Variants in ATCAY observed in about 807,000 individuals in gnomAD.
ATCAY encodes the protein ATCAY kinesin light chain interacting caytaxin, also known as caytaxin.
A neutral mutation model predicts 47.7 loss-of-function variants in ATCAY; 22 were observed. The ratio of observed to expected loss-of-function variants is 0.46; its 90% CI spans 0.33 to 0.66. ATCAY has a LOEUF of 0.66. Among genes scored for constraint, ATCAY ranks in the 30% least tolerant of loss-of-function variants. The pLI is 0.02. For synonymous variants in ATCAY, 216 were observed against 207.6 expected (o/e 1.04, Z -0.35); for missense variants, 452 against 515.0 (o/e 0.88, Z 1.18).
At chr19:3,890,923 C>A (rs1362175577) in intron 2 of ATCAY, among the ~76,000 whole-genome samples, 1 of 152,222 alleles carries the variant, frequency 6.6e-6, no homozygotes. Flanking sequence ...CCTCTGTCTG[C>A]CGCAAAACAG....
At position 3,927,037 on chromosome 19, in the gene ATCAY, A is replaced by T. The variant is rs1452640267; in HGVS notation, c.*2445A>T. 6.6e-6 allele frequency: 1 copy of T among 152,244 alleles called. No individual in the cohort carries two copies. The highest frequency in any genetic ancestry group is 1.5e-5 in the Non-Finnish European group (1 of 68,108). 9.4% of individuals were successfully genotyped at this position (152,244 alleles called of 1,614,324 possible). A position where few individuals can be genotyped will look rare whatever the true frequency, so the allele number is the denominator to read the frequency against. ...GGAGTTCGAGACCAGGCTGGCCAAC[A>T]TGGTGAAACCCCATCTCTACTAAAA... is the stretch of plus-strand genomic sequence containing the variant. On this transcript the variant is annotated 3_prime_UTR_variant, in exon 13 of 13. Transcript: ENST00000450849.
intron 3 of ATCAY, among the ~76,000 whole-genome samples, chr19:3,904,981 T>G (rs1223676912): frequency 6.6e-6 from 1 of 152,096 alleles, no homozygotes; most frequent in Non-Finnish European, 1.5e-5. Context: ...TGCCTCAGAC[T>G]CCCAAGCAGC....
intron 6 of ATCAY, among the ~76,000 whole-genome samples, chr19:3,908,925 T>C (rs2038895899): frequency 1.4e-5 from 1 of 69,828 alleles, no homozygotes; most frequent in Non-Finnish European, 2.6e-5. Flanking sequence ...CCCCATCCTC[T>C]TCCCCTTCCT....
At chr19:3,918,992 A>C in intron 11 of ATCAY, 115 bp downstream of exon 11, 3 of 1,302,822 alleles carry the variant, frequency 2.3e-6, no homozygotes, top group Non-Finnish European at 3.3e-6. Flanking sequence ...AAATGGAACT[A>C]AGTGGCCGGC....
intron 2 of ATCAY, among the ~76,000 whole-genome samples, chr19:3,896,050 C>T (rs2038766962): frequency 6.6e-6 from 1 of 151,986 alleles, no homozygotes; most frequent in African/African-American, 2.4e-5. Context: ...TGGGGTCTTG[C>T]TGTGTGGGCC....
Position 3,908,252 on chromosome 19 carries a change from G to T in ATCAY, c.545-16G>T, listed in dbSNP as rs775581428. The T allele has an allele frequency of 1.3e-6, 2 of 1,560,548 alleles. No homozygotes were observed. Among genetic ancestry groups the T allele is most frequent in the South Asian group, 2.4e-5 (2 of 84,800 alleles). On this transcript the variant is annotated splice_polypyrimidine_tract_variant and intron_variant, in intron 5 of 12. Transcript: ENST00000450849. ...GGAGAGGACTCTGACGTTGCCGATCGGCTGCCTCTCCTCAGGGTACTACGG... is the reference window on the plus strand; with the variant it reads ...GGAGAGGACTCTGACGTTGCCGATCTGCTGCCTCTCCTCAGGGTACTACGG...
At chr19:3,894,018 C>T (rs1007825959) in intron 2 of ATCAY, among the ~76,000 whole-genome samples, 4 of 152,094 alleles carry the variant, frequency 2.6e-5, no homozygotes, top group African/African-American at 7.2e-5. Flanking sequence ...CTTGCCTGGT[C>T]TCTGCAGGAC....
At chr19:3,899,237 G>C (rs1400285284) in intron 2 of ATCAY, among the ~76,000 whole-genome samples, 2 of 150,252 alleles carry the variant, frequency 1.3e-5, no homozygotes, top group Non-Finnish European at 1.5e-5. Context: ...GAGGGAAAAA[G>C]CATAAATAGA....
At chr19:3,915,875 A>G (rs931324314) in intron 9 of ATCAY, among the ~76,000 whole-genome samples, 1 of 151,226 alleles carries the variant, frequency 6.6e-6, no homozygotes, top group Non-Finnish European at 1.5e-5. Context: ...TTTTTAGTAG[A>G]GACGGAGTTT....
chr19:3,905,798 C>T (rs956248357), intron 4 of ATCAY, 143 bp downstream of exon 4: 1 of 681,814 alleles, frequency 1.5e-6, no homozygotes, highest in East Asian at 2.7e-5. Context: ...GAGATCAAGA[C>T]TGCAGTGAGA....
In ATCAY at chr19:3,924,887, G is replaced by T; in HGVS notation, c.*295G>T. 1 of 406,864 alleles carries T rather than the reference G, an allele frequency of 2.5e-6. No homozygotes were observed. Among genetic ancestry groups the T allele is most frequent in the Non-Finnish European group, 4.5e-6 (1 of 223,228 alleles). 25.2% of individuals were successfully genotyped at this position (406,864 alleles called of 1,614,324 possible). A position where few individuals can be genotyped will look rare whatever the true frequency, so the allele number is the denominator to read the frequency against. On this transcript the variant is annotated 3_prime_UTR_variant, in exon 13 of 13. Transcript: ENST00000450849. Reference sequence around the variant, plus strand: ...GCCGAGGAAGGCAAGAAGCGCAGGGGGTGGCCCGCGTGGCGTCGGTGGCCT... The same window carrying T: ...GCCGAGGAAGGCAAGAAGCGCAGGGTGTGGCCCGCGTGGCGTCGGTGGCCT...
intron 8 of ATCAY, among the ~76,000 whole-genome samples, chr19:3,912,498 G>T (rs1007012548): frequency 3.3e-5 from 5 of 151,996 alleles, no homozygotes; most frequent in Admixed American, 1.3e-4. Context: ...TTTTAGTAGA[G>T]ATGGGGTTTC....
chr19:3,920,926 C>G, intron 12 of ATCAY, 128 bp downstream of exon 12: 1 of 1,175,720 alleles, frequency 8.5e-7, no homozygotes. Context: ...AGGCAGGGAT[C>G]CTAATCCCAG....
At chr19:3,881,763 A>C (rs1315704093) in intron 1 of ATCAY, among the ~76,000 whole-genome samples, 4 of 151,644 alleles carry the variant, frequency 2.6e-5, no homozygotes, top group Non-Finnish European at 5.9e-5. Context: ...AGCTCAGTAT[A>C]AGGAAGGGAG....
At chr19:3,887,693 A>C (rs796285974) in intron 2 of ATCAY, among the ~76,000 whole-genome samples, 9 of 150,236 alleles carry the variant, frequency 6.0e-5, no homozygotes, top group Admixed American at 4.0e-4. Flanking sequence ...TCACCATGTT[A>C]GCCAGGATGG....
At chr19:3,915,335 G>A (rs1305925576) in intron 9 of ATCAY, among the ~76,000 whole-genome samples, 1 of 85,618 alleles carries the variant, frequency 1.2e-5, no homozygotes, top group Non-Finnish European at 2.3e-5. Flanking sequence ...GCCATGCCTG[G>A]CTAATTTTTT....
In ATCAY at chr19:3,880,924, G is replaced by A. The variant is rs1292570880; in HGVS notation, c.-126G>A. On this transcript the variant is annotated 5_prime_UTR_variant, in exon 1 of 13. Coordinates refer to ENST00000450849, the MANE Select transcript of ATCAY (RefSeq NM_033064.5). ...CTTCCTCCTAGGCTCTGAAGGCCCGGGGAGCGTGAGCGATGCCCAGCTGCA... is the reference window on the plus strand; with the variant it reads ...CTTCCTCCTAGGCTCTGAAGGCCCGAGGAGCGTGAGCGATGCCCAGCTGCA... 1 of 152,262 alleles carries A rather than the reference G, an allele frequency of 6.6e-6. No individual in the cohort carries two copies. Among genetic ancestry groups the A allele is most frequent in the Non-Finnish European group, 1.5e-5 (1 of 68,054 alleles). 9.4% of individuals were successfully genotyped at this position (152,262 alleles called of 1,614,324 possible).
Position 3,907,852 on chromosome 19 carries a change from C to T in ATCAY, c.477C>T (p.Ile159=), listed in dbSNP as rs370047894. The change falls in exon 5 of 13, where the codon ATC becomes ATT. Residue 159 remains isoleucine (I), a synonymous_variant. Transcript: ENST00000450849. The surrounding 1 kb of genome is among the most constrained non-coding windows in gnomAD (Gnocchi z 5.1). ...GGCGCCTGTGGCGGACAGTGATCAT[C>T]GGGGAGCAAGAGCACCGTATAGACC... ...ANGRLWRTVI[I]GEQEHRIDLH... 3.1e-5 allele frequency: 50 copies of T among 1,613,958 alleles called. No homozygotes were observed. The East Asian group carries it at 5.6e-4, about 18-fold the overall frequency.
At chr19:3,912,061 C>T (rs1053453138) in intron 8 of ATCAY, among the ~76,000 whole-genome samples, 6 of 152,188 alleles carry the variant, frequency 3.9e-5, no homozygotes, top group African/African-American at 1.2e-4. Context: ...TTCCAGAATT[C>T]AGTAACATAG....
Sources: gnomAD v4.1 joint callset for allele counts (sites outside exome capture counted in the v4.1 genomes callset) on GRCh38, gnomAD v4.1.1 for gene constraint, Gnocchi (gnomAD v3.1) non-coding constraint, MANE v1.5 for transcripts, NCBI Gene and HGNC (gene_info 2026-07-23, HGNC 2026-07-21) for gene names.